Variants in NPM1 observed in about 807,000 individuals in gnomAD.
NPM1 encodes the protein nucleophosmin.
A neutral mutation model predicts 44.1 loss-of-function variants in NPM1; 1 was observed. The observed-to-expected ratio is 0.02, with a 90% CI of 0.01 to 0.11. The LOEUF (loss-of-function observed/expected upper bound fraction) is 0.11. NPM1 is among the 10% of genes least tolerant of loss of function. The probability of loss-of-function intolerance (pLI) is 1.00; values close to 1 mark genes in which losing one functional copy is unlikely to be tolerated. For missense variants in NPM1, 197 were observed against 347.8 expected (o/e 0.57, Z 3.45); for synonymous variants, 126 against 111.8 (o/e 1.13, Z -0.80).
In NPM1 at chr5:171,387,899, C is replaced by G; in HGVS notation, c.-50C>G. 7 of 1,577,342 alleles carry G rather than the reference C, an allele frequency of 4.4e-6. No individual in the cohort carries two copies. The highest frequency in any genetic ancestry group is 2.2e-5 in the South Asian group (2 of 90,178). On this transcript the variant is annotated 5_prime_UTR_variant, in exon 1 of 11. Coordinates refer to ENST00000296930, the MANE Select transcript of NPM1 (RefSeq NM_002520.7). ...CGCGGTTGTTCTCTGGAGCAGCGTT[C>G]TTTTATCTCCGTCCGCCTTCTCTCC...
At chr5:171,388,172 T>C (rs1426189643) in intron 1 of NPM1, among the ~76,000 whole-genome samples, 166 bp downstream of exon 1, 2 of 151,388 alleles carry the variant, frequency 1.3e-5, no homozygotes, top group Non-Finnish European at 1.5e-5. Context: ...CCTGGAGGGA[T>C]TGGAGCCGCG....
chr5:171,407,360 T>G, intron 9 of NPM1: 1 of 274,280 alleles, frequency 3.6e-6, no homozygotes. Context: ...TGGGTTGTAT[T>G]TGGTTCTGGG....
chr5:171,391,522 GTTCT>G (rs989533113), intron 3 of NPM1, 98 bp downstream of exon 3: 314 of 1,468,900 alleles, frequency 2.1e-4, no homozygotes, highest in Non-Finnish European at 2.6e-4. Flanking sequence ...ATAGAAAGTG[GTTCT>G]TTATCTTCTG....
chr5:171,388,078 G>GGGGGGGGGGGGGA, intron 1 of NPM1, 72 bp downstream of exon 1: 1 of 616,752 alleles, frequency 1.6e-6, no homozygotes, highest in Non-Finnish European at 3.0e-6. Flanking sequence ...TGAGGGGCGG[G>GGGGGGGGGGGGGA]AATCCGGCTG....
rs560936191 is a variant in NPM1, at chr5:171,390,301, A to T, written c.138+171A>T. Reference sequence around the variant, plus strand: ...TCTGTACATCTTTGAAGAACTTGGCATCTATACCACTCATTTGGTAACCAT... The same window carrying T: ...TCTGTACATCTTTGAAGAACTTGGCTTCTATACCACTCATTTGGTAACCAT... On this transcript the variant is annotated intron_variant, in intron 2 of 10. Coordinates refer to ENST00000296930, the MANE Select transcript of NPM1 (RefSeq NM_002520.7). 2.1e-5 allele frequency: 10 copies of T among 475,636 alleles called. No individual in the cohort carries two copies. In the Middle Eastern group the frequency reaches 1.2e-3, roughly 59 times the overall value. The allele number at this position is 475,636 out of a possible 1,614,324, so 29.5% of individuals were successfully genotyped here.
At chr5:171,403,796 C>T (rs867253229) in intron 8 of NPM1, among the ~76,000 whole-genome samples, 1,623 of 111,452 alleles carry the variant, frequency 0.015, 2 homozygotes, top group Non-Finnish European at 0.023. Flanking sequence ...CTCCTCACTT[C>T]CCAGTAGGGG....
At chr5:171,407,559 T>TA (rs1367879140) in intron 9 of NPM1, 141 bp from the exon 10 acceptor site, 2 of 656,702 alleles carry the variant, frequency 3.0e-6, no homozygotes, top group Non-Finnish European at 5.4e-6. Flanking sequence ...CTGAAAAAGA[T>TA]ACGGAGTATT....
At chr5:171,410,501 C>T in intron 10 of NPM1, 26 bp from the exon 11 acceptor site, 1 of 1,492,920 alleles carries the variant, frequency 6.7e-7, no homozygotes, top group Non-Finnish European at 9.1e-7. Flanking sequence ...GGTTCCTTAA[C>T]CACATTTCTT....
chr5:171,391,193 T>C, intron 2 of NPM1, 112 bp from the exon 3 acceptor site: 1 of 1,241,238 alleles, frequency 8.1e-7, no homozygotes, highest in South Asian at 1.5e-5. Context: ...AACACATTTC[T>C]CAGAACCTAG....
rs73327224 is a variant in NPM1 at position 171,394,750 on chromosome 5, A to G, written c.524+1772A>G. ...GTCTGATTTTGAGTTACCTTTGTACAAGTTTATAAAATAAGTGTTTAATAG... is the reference window on the plus strand; with the variant it reads ...GTCTGATTTTGAGTTACCTTTGTACGAGTTTATAAAATAAGTGTTTAATAG... On this transcript the variant is annotated intron_variant, in intron 6 of 10. Coordinates refer to ENST00000296930, the MANE Select transcript of NPM1 (RefSeq NM_002520.7). Among the ~76,000 whole-genome samples, 577 of 152,360 alleles carry G rather than the reference A, an allele frequency of 3.8e-3. 3 individuals carry two copies. Among genetic ancestry groups the G allele is most frequent in the African/African-American group, 0.011 (464 of 41,590 alleles).
chr5:171,406,829 C>T, intron 9 of NPM1: 3 of 469,936 alleles, frequency 6.4e-6, no homozygotes, highest in Non-Finnish European at 8.7e-6. Flanking sequence ...CCTGATTCTG[C>T]CAAAGTCCCT....
At chr5:171,395,963 ATTTTTTT>A (rs10709038) in intron 6 of NPM1, among the ~76,000 whole-genome samples, 1 of 140,158 alleles carries the variant, frequency 7.1e-6, no homozygotes, top group Non-Finnish European at 1.6e-5. Flanking sequence ...GTAAAGCTGA[ATTTTTTT>A]TTTTTTTTTT....
intron 8 of NPM1, among the ~76,000 whole-genome samples, chr5:171,402,131 T>C (rs945095763): frequency 2.0e-5 from 3 of 148,752 alleles, no homozygotes; most frequent in South Asian, 2.1e-4. Flanking sequence ...ACAACACATA[T>C]AATCTATTGA....
At chr5:171,392,638 A>T in intron 4 of NPM1, 72 bp from the exon 5 acceptor site, 3 of 864,092 alleles carry the variant, frequency 3.5e-6, no homozygotes, top group Admixed American at 2.7e-5. Flanking sequence ...TAGAGTATTT[A>T]CTATCAGTGT....
intron 6 of NPM1, among the ~76,000 whole-genome samples, chr5:171,397,802 C>CT (rs575241008): frequency 0.11 from 15,136 of 132,262 alleles, 1,230 homozygotes; most frequent in African/African-American, 0.2. Flanking sequence ...GGCAAGAATT[C>CT]TTTTTTTTTT....
intron 6 of NPM1, among the ~76,000 whole-genome samples, 176 bp downstream of exon 6, chr5:171,393,154 A>G (rs1433104862): frequency 1.3e-5 from 2 of 152,234 alleles, no homozygotes; most frequent in Non-Finnish European, 2.9e-5. Flanking sequence ...AAATGAGCTG[A>G]GTTGAAAGGA....
chr5:171,401,890 C>T (rs1022773658), intron 8 of NPM1, among the ~76,000 whole-genome samples: 1 of 151,952 alleles, frequency 6.6e-6, no homozygotes, highest in African/African-American at 2.4e-5. Context: ...CCTGACCCTA[C>T]CCACTTCCCT....
At chr5:171,406,819 C>T (rs1426073815) in intron 9 of NPM1, 11 of 543,036 alleles carry the variant, frequency 2.0e-5, no homozygotes, top group Non-Finnish European at 2.7e-5. Flanking sequence ...TAATGCTATA[C>T]CTGATTCTGC....
Position 171,391,692 on chromosome 5 carries a change from T to TTCTCCC in NPM1, c.259-13_259-12insCTCCCT. The TTCTCCC allele has an allele frequency of 6.4e-7, 1 of 1,566,396 alleles. No homozygotes were observed. The highest frequency in any genetic ancestry group is 8.8e-7 in the Non-Finnish European group (1 of 1,139,142). On this transcript the variant is annotated splice_polypyrimidine_tract_variant and intron_variant, in intron 3 of 10. Coordinates refer to ENST00000296930, the MANE Select transcript of NPM1 (RefSeq NM_002520.7). ...TCTTCACATGTTTAGTGATGAAAAA[T>TTCTCCC]TTCTCCCTTCTAGGTTTCCCTTGGG...
Sources: allele counts gnomAD v4.1 joint callset (sites outside exome capture counted in the v4.1 genomes callset), GRCh38; gene constraint gnomAD v4.1.1; transcripts MANE v1.5; gene names NCBI Gene and HGNC (gene_info 2026-07-23, HGNC 2026-07-21).